The following PRSS23 variants were observed in gnomAD, a reference collection of about 807,000 sequenced individuals.
The protein encoded by PRSS23 is serine protease 23, also known as protease, serine 23.
PRSS23 carries 25 observed loss-of-function variants against 34.7 expected under a neutral mutation model. That is an observed-to-expected ratio of 0.72 (90% CI 0.53 to 1.01). PRSS23 has a LOEUF of 1.01. PRSS23 is among the 50% of genes least tolerant of loss of function. The pLI, the probability that PRSS23 is intolerant of heterozygous loss-of-function variation, is 0.00. For synonymous variants in PRSS23, 176 were observed against 186.6 expected (o/e 0.94, Z 0.46); for missense variants, 445 against 475.6 (o/e 0.94, Z 0.60).
At chr11:86,854,780 A>G (rs1948556271) in intron 2 of PRSS23, among the ~76,000 whole-genome samples, 1 of 152,234 alleles carries the variant, frequency 6.6e-6, no homozygotes. Flanking sequence ...TTTTCCACCA[A>G]TGAACTTTCT....
chr11:86,926,200 T>C (rs1355391460), intron 2 of PRSS23, among the ~76,000 whole-genome samples: 1 of 152,008 alleles, frequency 6.6e-6, no homozygotes, highest in Non-Finnish European at 1.5e-5. Flanking sequence ...CCGTCTCCAC[T>C]AAAAATACAA....
At chr11:86,915,649 A>T (rs1286766503) in intron 2 of PRSS23, among the ~76,000 whole-genome samples, 1 of 150,650 alleles carries the variant, frequency 6.6e-6, no homozygotes, top group African/African-American at 2.4e-5. Context: ...AAGTGGTAAT[A>T]ATATAGTAAC....
At chr11:86,848,380 A>C (rs1012960456) in intron 2 of PRSS23, among the ~76,000 whole-genome samples, 2 of 152,204 alleles carry the variant, frequency 1.3e-5, no homozygotes, top group Non-Finnish European at 2.9e-5. Context: ...CCCACAGGGG[A>C]ACAGGCAGTC....
exon 2 of PRSS23, chr11:86,823,551 G>C: frequency 1.4e-6 from 1 of 702,596 alleles, no homozygotes; most frequent in South Asian, 1.5e-5. Flanking sequence ...GGACAGAAAA[G>C]ACAGTGTTCT....
At chr11:86,918,378 G>T (rs527626186) in intron 2 of PRSS23, among the ~76,000 whole-genome samples, 1 of 152,204 alleles carries the variant, frequency 6.6e-6, no homozygotes, top group African/African-American at 2.4e-5. Context: ...TTCATATATT[G>T]TTTATGTTAT....
At chr11:86,891,321 C>T (rs545270740) in intron 2 of PRSS23, among the ~76,000 whole-genome samples, 3 of 152,326 alleles carry the variant, frequency 2.0e-5, no homozygotes, top group Middle Eastern at 3.4e-3. Flanking sequence ...ATTGCCCCCT[C>T]AGTAATGCTT....
At chr11:86,851,492 G>T (rs576650138) in intron 2 of PRSS23, among the ~76,000 whole-genome samples, 1 of 152,240 alleles carries the variant, frequency 6.6e-6, no homozygotes, top group Non-Finnish European at 1.5e-5. Context: ...GCATCTGCCC[G>T]AGTGACAAGG....
intron 1 of PRSS23, chr11:86,821,599 T>C (rs766268530): frequency 1.2e-4 from 185 of 1,605,778 alleles, no homozygotes; most frequent in Non-Finnish European, 1.5e-4. Context: ...CAAGACAGAA[T>C]TCCCTTAAAT....
At chr11:86,935,816 A>G (rs1240319825) in intron 2 of PRSS23, 1 of 152,146 alleles carries the variant, frequency 6.6e-6, no homozygotes, top group African/African-American at 2.4e-5. Flanking sequence ...TCTTTCTACT[A>G]CTTGGTGCTG....
intron 1 of PRSS23, among the ~76,000 whole-genome samples, chr11:86,818,299 A>T (rs888565145): frequency 6.6e-6 from 1 of 152,182 alleles, no homozygotes; most frequent in Non-Finnish European, 1.5e-5. Context: ...GCTGTGCCAC[A>T]TCATATGTAT....
rs140202603 is a variant in PRSS23 at position 86,804,963 on chromosome 11, C to T, written c.-13-2668C>T. 1.4e-4 allele frequency among the ~76,000 whole-genome samples: 21 copies of T among 152,256 alleles called. No individual in the cohort carries two copies. The South Asian group carries it at 1.7e-3, about 12-fold the overall frequency. On this transcript the variant is annotated intron_variant, in intron 1 of 1. Coordinates refer to ENST00000280258, the MANE Select transcript of PRSS23 (RefSeq NM_007173.6). ...AAGAATCGTATTTTAAAAACAAGAA[C>T]GCTTGGCAGGTTGGACCTCCGCATT...
In PRSS23 at chr11:86,947,254, C is replaced by T. The variant is rs541479825; in HGVS notation, c.207-3962C>T. 5.3e-5 allele frequency: 9 copies of T among 169,692 alleles called. No individual in the cohort carries two copies. The East Asian group carries it at 1.4e-3, about 26-fold the overall frequency. The allele number at this position is 169,692 out of a possible 1,614,324, so 10.5% of individuals were successfully genotyped here. A position where few individuals can be genotyped will look rare whatever the true frequency, so the allele number is the denominator to read the frequency against. On this transcript the variant is annotated intron_variant, in intron 2 of 2. Transcript: ENST00000533902. ...ACAAACAACAAAAAAAAGGTTCCTT[C>T]CAAAGTCTGTGCTCAATGGCTCCCT...
At chr11:86,882,109 T>C (rs1223165421) in intron 2 of PRSS23, among the ~76,000 whole-genome samples, 14 of 152,226 alleles carry the variant, frequency 9.2e-5, no homozygotes, top group African/African-American at 3.4e-4. Flanking sequence ...TTATTTCTGC[T>C]CCAATATTTA....
At chr11:86,816,040 G>A (rs557733469), downstream of PRSS23, among the ~76,000 whole-genome samples, 2 of 152,226 alleles carry the variant, frequency 1.3e-5, no homozygotes, top group South Asian at 4.1e-4. Flanking sequence ...TCTTAGCCAT[G>A]AATCCATGAC....
Position 86,855,160 on chromosome 11 carries a change from C to G in PRSS23, c.206+31567C>G, listed in dbSNP as rs1043803614. On this transcript the variant is annotated intron_variant, in intron 2 of 2. Transcript: ENST00000533902. ...CAGCATAGGCAACAAGAGCAAAACT[C>G]CACCTCAATTAAAAAAAAAAAAAAT... Among the ~76,000 whole-genome samples the G allele has an allele frequency of 9.4e-5, 14 of 148,830 alleles. 1 individual carries two copies. The highest frequency in any genetic ancestry group is 2.8e-4 in the African/African-American group (11 of 39,770).
chr11:86,892,914 A>C (rs988730962), intron 2 of PRSS23, among the ~76,000 whole-genome samples: 1 of 152,198 alleles, frequency 6.6e-6, no homozygotes, highest in African/African-American at 2.4e-5. Flanking sequence ...AGTGGGTTGA[A>C]TATTGTCCCC....
chr11:86,935,720 G>A (rs1949157225), intron 2 of PRSS23: 6 of 152,064 alleles, frequency 3.9e-5, no homozygotes, highest in Non-Finnish European at 1.5e-5. Flanking sequence ...AGCCCAGAGA[G>A]GTTAAGTAAC....
chr11:86,906,015 T>A (rs1948939477), intron 2 of PRSS23, among the ~76,000 whole-genome samples: 1 of 152,138 alleles, frequency 6.6e-6, no homozygotes, highest in Non-Finnish European at 1.5e-5. Context: ...CATTCATTCA[T>A]TCATTCAACA....
At chr11:86,885,971 T>TGTGGGC (rs1260773174) in intron 2 of PRSS23, among the ~76,000 whole-genome samples, 2 of 150,680 alleles carry the variant, frequency 1.3e-5, no homozygotes, top group African/African-American at 4.9e-5. Flanking sequence ...TATCTGGTAG[T>TGTGGGC]TAATGATGAT....
Sources: allele counts gnomAD v4.1 joint callset (sites outside exome capture counted in the v4.1 genomes callset), GRCh38; gene constraint gnomAD v4.1.1; transcripts MANE v1.5; gene names NCBI Gene and HGNC (gene_info 2026-07-23, HGNC 2026-07-21).